OXTR: variants seen among roughly 807,000 people sequenced by gnomAD.
OXTR encodes the protein oxytocin receptor.
OXTR carries 19 observed loss-of-function variants against 23.9 expected under a neutral mutation model. That is an observed-to-expected ratio of 0.80 (90% confidence interval 0.56 to 1.17). OXTR has a LOEUF of 1.17. Among genes scored for constraint, OXTR ranks in the 50% most tolerant of loss-of-function variants. The probability of loss-of-function intolerance (pLI) is 0.00; values close to 1 mark genes in which losing one functional copy is unlikely to be tolerated. For synonymous variants in OXTR, 278 were observed against 250.5 expected, an observed-to-expected ratio of 1.11 and a Z score of -1.04; for missense variants, 500 against 550.7, an observed-to-expected ratio of 0.91 and a Z score of 0.92.
At chr3:8,756,812 T>C (rs1330296386) in intron 3 of OXTR, among the ~76,000 whole-genome samples, 1 of 152,214 alleles carries the variant, frequency 6.6e-6, no homozygotes, top group Non-Finnish European at 1.5e-5. Context: ...TCATCCGGGC[T>C]TCTCTGAAGG....
chr3:8,764,078 T>G (rs1708551351), intron 3 of OXTR, among the ~76,000 whole-genome samples: 1 of 152,090 alleles, frequency 6.6e-6, no homozygotes. Context: ...TATGAGGGAA[T>G]GAAGTTGCTC....
At position 8,752,759 on chromosome 3, in the gene OXTR, A is replaced by C; in HGVS notation, c.*218T>G. On this transcript the variant is annotated 3_prime_UTR_variant, in exon 4 of 4. Coordinates refer to ENST00000316793, the MANE Select transcript of OXTR (RefSeq NM_000916.4). ...GGCAGCAGTGGGTTCAGGGTGGTAG[A>C]AGTACGTGTAGGAGGCCAGGGTGTT... 3 of 569,814 alleles carry C rather than the reference A, an allele frequency of 5.3e-6. No individual in the cohort carries two copies. The highest frequency in any genetic ancestry group is 9.3e-6 in the Non-Finnish European group (3 of 322,660). 35.3% of individuals were successfully genotyped at this position (569,814 alleles called of 1,614,324 possible). A position where few individuals can be genotyped will look rare whatever the true frequency, so the allele number is the denominator to read the frequency against.
downstream of OXTR, among the ~76,000 whole-genome samples, chr3:8,749,411 T>A (rs1215838915): frequency 6.6e-6 from 1 of 152,042 alleles, no homozygotes; most frequent in East Asian, 1.9e-4. Context: ...CTACTGTGAG[T>A]TGCTGTCCCT....
At chr3:8,758,358 T>A (rs1708419656) in intron 3 of OXTR, among the ~76,000 whole-genome samples, 1 of 152,104 alleles carries the variant, frequency 6.6e-6, no homozygotes, top group Non-Finnish European at 1.5e-5. Context: ...GCACGTTTCA[T>A]ATGACTCAAA....
chr3:8,768,079 C>T lies in OXTR; in HGVS notation c.109G>A (p.Ala37Thr). The change falls in exon 3 of 4, where the codon GCC (alanine) becomes ACC (threonine). Residue 37 changes from alanine (A) to threonine (T), a missense_variant. Transcript: ENST00000316793. This position sits in a 1 kb window ranked among gnomAD's most constrained non-coding sequence, Gnocchi z 5.4. ...RTAGPPRRNE[A>T]LARVEVAVLC... ...ACCGCCACCTCCACGCGCGCCAGGG[C>T]CTCGTTGCGCCGCGGGGGTCCGGCG... 3 of 1,494,178 alleles carry T rather than the reference C, an allele frequency of 2.0e-6. No homozygotes were observed. The highest frequency in any genetic ancestry group is 2.7e-6 in the Non-Finnish European group (3 of 1,123,114). The allele number at this position is 1,494,178 out of a possible 1,614,324, so 92.6% of individuals were successfully genotyped here.
intron 3 of OXTR, among the ~76,000 whole-genome samples, chr3:8,760,187 C>T (rs1269231305): frequency 6.6e-6 from 1 of 152,210 alleles, no homozygotes; most frequent in East Asian, 1.9e-4. Flanking sequence ...ACTTCAGAAA[C>T]CTGAGATTCT....
chr3:8,762,492 G>C (rs1026852544), intron 3 of OXTR, among the ~76,000 whole-genome samples: 1 of 152,180 alleles, frequency 6.6e-6, no homozygotes, highest in African/African-American at 2.4e-5. Context: ...ATTGTGATTT[G>C]TACCCAGAAG....
chr3:8,760,372 G>A (rs1708460279), intron 3 of OXTR, among the ~76,000 whole-genome samples: 1 of 152,248 alleles, frequency 6.6e-6, no homozygotes, highest in African/African-American at 2.4e-5. Context: ...ATGCATGTCA[G>A]CAGCTGGCCG....
chr3:8,748,149 T>C (rs1708200137), downstream of OXTR, among the ~76,000 whole-genome samples: 1 of 152,104 alleles, frequency 6.6e-6, no homozygotes, highest in South Asian at 2.1e-4. Flanking sequence ...GAAATGCAGG[T>C]TCCAAGGCTC....
intron 3 of OXTR, among the ~76,000 whole-genome samples, chr3:8,754,590 T>C (rs2124996396): frequency 6.6e-6 from 1 of 152,286 alleles, no homozygotes; most frequent in Middle Eastern, 3.4e-3. Context: ...ATGTGGCCAC[T>C]GATGAAGAGA....
intron 3 of OXTR, among the ~76,000 whole-genome samples, chr3:8,765,540 C>A (rs1177805384): frequency 6.6e-6 from 1 of 152,252 alleles, no homozygotes; most frequent in East Asian, 1.9e-4. Flanking sequence ...GACCCCACAT[C>A]TCTCCAGTAT....
downstream of OXTR, among the ~76,000 whole-genome samples, chr3:8,747,903 T>C (rs1006629760): frequency 7.9e-5 from 12 of 152,222 alleles, no homozygotes; most frequent in African/African-American, 2.2e-4. Flanking sequence ...CTCACTGTCT[T>C]TCTCTAAGGG....
rs537768653 is a variant in OXTR at position 8,761,076 on chromosome 3, C to G, written c.922+6190G>C. Among the ~76,000 whole-genome samples the G allele has an allele frequency of 1.8e-3, 275 of 152,286 alleles. 3 individuals are homozygous for G. The highest frequency in any genetic ancestry group is 3.9e-3 in the Admixed American group (59 of 15,304). ...GAATGCTGTTAAATATCCTACCATG[C>G]ACAGAACAGCTCCTCCCTGACACAC... On this transcript the variant is annotated intron_variant, in intron 3 of 3. Transcript: ENST00000316793.
rs1027124325 is a variant in OXTR, at chr3:8,751,941, T to C, written c.*1036A>G. ...TCATAAGGATTGCACTGAATCTGCATGTCAGTTAGGATAGTATTGCCATCT... is the reference window on the plus strand; with the variant it reads ...TCATAAGGATTGCACTGAATCTGCACGTCAGTTAGGATAGTATTGCCATCT... On this transcript the variant is annotated 3_prime_UTR_variant, in exon 4 of 4. Coordinates refer to ENST00000316793, the MANE Select transcript of OXTR (RefSeq NM_000916.4). 2 of 152,366 alleles carry C rather than the reference T, an allele frequency of 1.3e-5. No homozygotes were observed. The highest frequency in any genetic ancestry group is 1.9e-4 in the East Asian group (1 of 5,190). The allele number at this position is 152,366 out of a possible 1,614,324, so 9.4% of individuals were successfully genotyped here.
the OXTR span, among the ~76,000 whole-genome samples, chr3:8,741,605 C>T: frequency 6.6e-6 from 1 of 152,144 alleles, no homozygotes; most frequent in African/African-American, 2.4e-5. Flanking sequence ...TGCCCCAAAT[C>T]ATACAGTAAC....
chr3:8,768,094 G>A lies in OXTR; in HGVS notation c.94C>T (p.Pro32Ser). 1.4e-6 allele frequency: 2 copies of A among 1,443,586 alleles called. No homozygotes were observed. The highest frequency in any genetic ancestry group is 2.9e-5 in the South Asian group (2 of 68,712). The allele number at this position is 1,443,586 out of a possible 1,614,324, so 89.4% of individuals were successfully genotyped here. A position where few individuals can be genotyped will look rare whatever the true frequency, so the allele number is the denominator to read the frequency against. ...GAEGNRTAGPPRRNEALARVE... is the reference protein window; with the variant it reads ...GAEGNRTAGPSRRNEALARVE... ...CGCGCCAGGGCCTCGTTGCGCCGCGGGGGTCCGGCGGTGCGGTTGCCCTCG... is the reference window on the plus strand; with the variant it reads ...CGCGCCAGGGCCTCGTTGCGCCGCGAGGGTCCGGCGGTGCGGTTGCCCTCG... Residue 32 changes from proline (P) to serine (S), a missense_variant, in exon 3 of 4, where the codon CCG becomes TCG. Coordinates refer to ENST00000316793, the MANE Select transcript of OXTR (RefSeq NM_000916.4). The surrounding 1 kb of genome is among the most constrained non-coding windows in gnomAD (Gnocchi z 5.4).
At chr3:8,743,418 A>AAGCCAGCCAGCC in the OXTR span, among the ~76,000 whole-genome samples, 1 of 152,126 alleles carries the variant, frequency 6.6e-6, no homozygotes, top group Non-Finnish European at 1.5e-5. Flanking sequence ...CACCTCCTGG[A>AAGCCAGCCAGCC]AGCCCTCCAA....
At chr3:8,756,223 C>T (rs1243310539) in intron 3 of OXTR, among the ~76,000 whole-genome samples, 1 of 152,190 alleles carries the variant, frequency 6.6e-6, no homozygotes, top group Non-Finnish European at 1.5e-5. Flanking sequence ...ATTGTCCTTA[C>T]ATTTCACAAT....
At chr3:8,748,780 C>G (rs1708207412), downstream of OXTR, among the ~76,000 whole-genome samples, 3 of 152,200 alleles carry the variant, frequency 2.0e-5, no homozygotes, top group South Asian at 4.1e-4. Flanking sequence ...GTGTTAAACA[C>G]TTTGAAACCA....
Sources: allele counts gnomAD v4.1 joint callset (sites outside exome capture counted in the v4.1 genomes callset), GRCh38; gene constraint gnomAD v4.1.1; non-coding constraint Gnocchi (gnomAD v3.1); transcripts MANE v1.5; gene names NCBI Gene and HGNC (gene_info 2026-07-23, HGNC 2026-07-21).